SLC13A1: variants seen among roughly 807,000 people sequenced by gnomAD.
SLC13A1 encodes the protein solute carrier family 13 member 1, also known as Na(+)/sulfate cotransporter.
A neutral mutation model predicts 70.0 loss-of-function variants in SLC13A1; 65 were observed. The observed-to-expected ratio is 0.93, with a 90% CI of 0.76 to 1.14. The LOEUF (loss-of-function observed/expected upper bound fraction) is 1.14, where lower values mean the gene tolerates loss of function less well. Among genes scored for constraint, SLC13A1 ranks in the 50% most tolerant of loss-of-function variants. The pLI is 0.00. For missense variants in SLC13A1, 726 were observed against 717.8 expected (o/e 1.01, Z -0.13); for synonymous variants, 275 against 250.5 (o/e 1.10, Z -0.92).
intron 13 of SLC13A1, among the ~76,000 whole-genome samples, chr7:123,117,894 A>G (rs1211059860): frequency 6.6e-6 from 1 of 151,794 alleles, no homozygotes; most frequent in African/African-American, 2.4e-5. Flanking sequence ...ACCATTTATT[A>G]CTTATCTATT....
intron 10 of SLC13A1, among the ~76,000 whole-genome samples, chr7:123,127,648 G>C (rs771020459): frequency 6.6e-6 from 1 of 151,894 alleles, no homozygotes; most frequent in Admixed American, 6.6e-5. Context: ...TGAAGCTGAT[G>C]CTTTAAAACA....
At chr7:123,177,709 T>C (rs1795494884) in intron 2 of SLC13A1, among the ~76,000 whole-genome samples, 1 of 152,158 alleles carries the variant, frequency 6.6e-6, no homozygotes, top group East Asian at 1.9e-4. Context: ...TGTAAGTCTT[T>C]CTTCAGGTAT....
intron 2 of SLC13A1, among the ~76,000 whole-genome samples, chr7:123,177,255 GGA>G (rs1795478352): frequency 6.6e-6 from 1 of 151,822 alleles, no homozygotes; most frequent in South Asian, 2.1e-4. Flanking sequence ...TAATCAATCA[GGA>G]AAGTTTGCTG....
intron 6 of SLC13A1, among the ~76,000 whole-genome samples, chr7:123,166,520 A>C (rs1350937441): frequency 1.3e-5 from 2 of 151,968 alleles, no homozygotes; most frequent in East Asian, 1.9e-4. Context: ...CATTAGGTAT[A>C]TCTCCTAATG....
intron 11 of SLC13A1, among the ~76,000 whole-genome samples, chr7:123,123,907 A>G (rs1232819086): frequency 6.6e-6 from 1 of 152,272 alleles, no homozygotes; most frequent in Non-Finnish European, 1.5e-5. Flanking sequence ...TAACTTGTGT[A>G]TAACAGGCAG....
In SLC13A1 at chr7:123,134,124, C is replaced by T. The variant is rs538302318; in HGVS notation, c.932+286G>A. On this transcript the variant is annotated intron_variant, in intron 8 of 14. Transcript: ENST00000194130. ...CTGCTCTTGAACTCAGAGAGGATTG[C>T]GCAAGCAATCCTCCCACCTTGGCCT... is the stretch of plus-strand genomic sequence containing the variant. Among the ~76,000 whole-genome samples the T allele has an allele frequency of 7.2e-5, 11 of 151,986 alleles. No homozygotes were observed. In the South Asian group the frequency reaches 8.3e-4, roughly 11 times the overall value.
Position 123,117,558 on chromosome 7 carries a change from C to G in SLC13A1, c.1563G>C (p.Leu521=). The change falls in exon 14 of 15, where the codon CTG becomes CTC. Residue 521 remains leucine (L), a synonymous_variant. Transcript: ENST00000194130. ...GTAGGAGGAATGCAAATGAAGTACA[C>G]AGAGTAGAAGGTATCAGAATATAAA... is the stretch of plus-strand genomic sequence containing the variant. ...NPLYILIPST[L]CTSFAFLLPV... The G allele has an allele frequency of 6.2e-7, 1 of 1,611,316 alleles. No homozygotes were observed. The highest frequency in any genetic ancestry group is 8.5e-7 in the Non-Finnish European group (1 of 1,178,296).
chr7:123,114,731 CT>C lies in SLC13A1; in HGVS notation c.*786del, dbSNP rs1330751898. 1 of 152,126 alleles carries C rather than the reference CT, an allele frequency of 6.6e-6. No homozygotes were observed. Among genetic ancestry groups the C allele is most frequent in the Admixed American group, 6.6e-5 (1 of 15,264 alleles). The allele number at this position is 152,126 out of a possible 1,614,324, so 9.4% of individuals were successfully genotyped here. A position where few individuals can be genotyped will look rare whatever the true frequency, so the allele number is the denominator to read the frequency against. Reference sequence around the variant, plus strand: ...GTTTTATAGTGTTCAGCTTTCCTTTCTAACTATACTGTACTAATAGTGCAAA... The same window carrying C: ...GTTTTATAGTGTTCAGCTTTCCTTTCAACTATACTGTACTAATAGTGCAAA... On this transcript the variant is annotated 3_prime_UTR_variant, in exon 15 of 15. Coordinates refer to ENST00000194130, the MANE Select transcript of SLC13A1 (RefSeq NM_022444.4).
chr7:123,123,808 A>G (rs1277402282), intron 11 of SLC13A1, among the ~76,000 whole-genome samples: 1 of 152,214 alleles, frequency 6.6e-6, no homozygotes, highest in Non-Finnish European at 1.5e-5. Flanking sequence ...TAAAAGGATT[A>G]TCATAAAGAT....
At chr7:123,167,858 G>A (rs1242121634) in intron 6 of SLC13A1, among the ~76,000 whole-genome samples, 1 of 151,930 alleles carries the variant, frequency 6.6e-6, no homozygotes, top group Non-Finnish European at 1.5e-5. Context: ...TGGAAGAAAT[G>A]ACGACGATGC....
intron 6 of SLC13A1, among the ~76,000 whole-genome samples, chr7:123,165,045 T>C (rs906463415): frequency 2.6e-5 from 4 of 152,052 alleles, no homozygotes; most frequent in African/African-American, 9.7e-5. Context: ...CTAGATGAAG[T>C]AGATATACAT....
chr7:123,133,531 T>TTTTATTTATTTA, intron 8 of SLC13A1, among the ~76,000 whole-genome samples: 1 of 152,128 alleles, frequency 6.6e-6, no homozygotes, highest in East Asian at 1.9e-4. Flanking sequence ...TAATCTTTAT[T>TTTTATTTATTTA]TTTATTTATT....
At chr7:123,168,847 T>G (rs975630933) in intron 4 of SLC13A1, among the ~76,000 whole-genome samples, 4 of 152,218 alleles carry the variant, frequency 2.6e-5, no homozygotes, top group Non-Finnish European at 5.9e-5. Flanking sequence ...GGAAAGCCAT[T>G]TCAGTATAGG....
intron 6 of SLC13A1, among the ~76,000 whole-genome samples, chr7:123,167,756 G>A (rs1795123025): frequency 6.6e-6 from 1 of 152,010 alleles, no homozygotes; most frequent in Non-Finnish European, 1.5e-5. Context: ...AGCAACTCAT[G>A]AATTCTGCAT....
chr7:123,145,125 T>C (rs1794305596), intron 7 of SLC13A1, among the ~76,000 whole-genome samples: 1 of 152,178 alleles, frequency 6.6e-6, no homozygotes, highest in Non-Finnish European at 1.5e-5. Context: ...AGTAGAGCAG[T>C]GGCAATAACA....
intron 1 of SLC13A1, among the ~76,000 whole-genome samples, chr7:123,184,380 T>C (rs945629734): frequency 1.3e-5 from 2 of 152,072 alleles, no homozygotes; most frequent in African/African-American, 2.4e-5. Context: ...AGCTTATTCT[T>C]TCTATCTTTT....
At chr7:123,128,255 C>A (rs562567605) in intron 10 of SLC13A1, among the ~76,000 whole-genome samples, 1 of 152,008 alleles carries the variant, frequency 6.6e-6, no homozygotes, top group South Asian at 2.1e-4. Context: ...AAATAGTCCT[C>A]CATAGAATTA....
At chr7:123,164,459 G>A (rs1393210962) in intron 6 of SLC13A1, among the ~76,000 whole-genome samples, 1 of 151,310 alleles carries the variant, frequency 6.6e-6, no homozygotes, top group African/African-American at 2.4e-5. Flanking sequence ...CTTTAGTTTT[G>A]TACTAAATAA....
chr7:123,198,179 A>C (rs1014016247), intron 1 of SLC13A1, among the ~76,000 whole-genome samples: 3 of 152,000 alleles, frequency 2.0e-5, no homozygotes, highest in African/African-American at 7.2e-5. Flanking sequence ...TGTGTCTTAG[A>C]TGAAGTTCTT....
Sources: allele counts gnomAD v4.1 joint callset (sites outside exome capture counted in the v4.1 genomes callset), GRCh38; gene constraint gnomAD v4.1.1; transcripts MANE v1.5; gene names NCBI Gene and HGNC (gene_info 2026-07-23, HGNC 2026-07-21).